The following CCDC91 variants were observed in gnomAD, a reference collection of about 807,000 sequenced individuals.
The protein encoded by CCDC91 is coiled-coil domain containing 91.
Under a neutral mutation model 63.2 loss-of-function variants are expected in CCDC91, and 48 were observed. The observed-to-expected ratio is 0.76, with a 90% CI of 0.60 to 0.97. CCDC91 has a LOEUF of 0.97. CCDC91 is among the 50% of genes least tolerant of loss of function. The pLI is 0.00. For synonymous variants in CCDC91, 167 were observed against 165.8 expected, an observed-to-expected ratio of 1.01 and a Z score of -0.06; for missense variants, 500 against 494.6, an observed-to-expected ratio of 1.01 and a Z score of -0.10.
intron 6 of CCDC91, among the ~76,000 whole-genome samples, chr12:28,325,053 T>C (rs1940858378): frequency 6.6e-6 from 1 of 152,004 alleles, no homozygotes; most frequent in Non-Finnish European, 1.5e-5. Flanking sequence ...AATGAATTTT[T>C]ATAGTATTCT....
chr12:28,221,276 A>G (rs1357946365), intron 1 of CCDC91, among the ~76,000 whole-genome samples: 4 of 152,038 alleles, frequency 2.6e-5, no homozygotes, highest in African/African-American at 9.7e-5. Context: ...TCTCATCATC[A>G]TGACCTTTTC....
intron 7 of CCDC91, among the ~76,000 whole-genome samples, chr12:28,363,939 T>G (rs1035569743): frequency 8.6e-5 from 12 of 140,174 alleles, no homozygotes; most frequent in African/African-American, 3.2e-4. Context: ...GGAAAAAAAG[T>G]AGATCCAGAA....
intron 6 of CCDC91, among the ~76,000 whole-genome samples, chr12:28,324,980 A>G (rs1940851222): frequency 6.6e-6 from 1 of 151,942 alleles, no homozygotes; most frequent in Non-Finnish European, 1.5e-5. Flanking sequence ...AAGCATAATA[A>G]TGAAGCATTC....
At chr12:28,295,886 A>T (rs1364215104) in intron 3 of CCDC91, among the ~76,000 whole-genome samples, 1 of 151,998 alleles carries the variant, frequency 6.6e-6, no homozygotes, top group East Asian at 1.9e-4. Flanking sequence ...AATTGCTTAG[A>T]ATTTTGTTCA....
At chr12:28,268,760 T>G (rs763779872) in intron 3 of CCDC91, 34 of 702,326 alleles carry the variant, frequency 4.8e-5, no homozygotes, top group Non-Finnish European at 5.9e-5. Context: ...AGATTTTACC[T>G]AAAATCTACT....
intron 7 of CCDC91, among the ~76,000 whole-genome samples, chr12:28,379,272 C>A: frequency 6.6e-6 from 1 of 151,836 alleles, no homozygotes; most frequent in Admixed American, 6.6e-5. Context: ...ACACCAAAAG[C>A]AATGGCAACA....
chr12:28,297,883 A>G (rs1463927506), intron 3 of CCDC91, among the ~76,000 whole-genome samples: 1 of 151,854 alleles, frequency 6.6e-6, no homozygotes, highest in Non-Finnish European at 1.5e-5. Flanking sequence ...TATTAAGCAC[A>G]CACATTTAAA....
chr12:28,240,345 C>G (rs1945251155), intron 1 of CCDC91, among the ~76,000 whole-genome samples: 2 of 152,100 alleles, frequency 1.3e-5, no homozygotes, highest in South Asian at 4.1e-4. Flanking sequence ...TTGATTACTT[C>G]TTGACTTTTT....
chr12:28,523,102 G>C (rs1940895108), intron 12 of CCDC91, among the ~76,000 whole-genome samples: 1 of 152,192 alleles, frequency 6.6e-6, no homozygotes, highest in African/African-American at 2.4e-5. Context: ...GCCTGGTGCA[G>C]AGCTGAATTC....
chr12:28,373,073 A>AT lies in CCDC91; in HGVS notation c.654+10564dup, dbSNP rs1592467924. Among the ~76,000 whole-genome samples, 4 of 151,928 alleles carry AT rather than the reference A, an allele frequency of 2.6e-5. No homozygotes were observed. The South Asian group carries it at 8.3e-4, about 32-fold the overall frequency. ...GTATCTCCTAACAATTAATTTGTGT[A>AT]TTTTTTCACTTGCATTCTTTAAAGT... On this transcript the variant is annotated intron_variant, in intron 7 of 12. Coordinates refer to ENST00000536442, the MANE Select transcript of CCDC91 (RefSeq NM_018318.5).
At chr12:28,299,091 G>A (rs1937756361) in intron 3 of CCDC91, among the ~76,000 whole-genome samples, 2 of 151,384 alleles carry the variant, frequency 1.3e-5, no homozygotes, top group African/African-American at 4.8e-5. Context: ...TTTTGCCTAG[G>A]GAAGGATTTT....
intron 12 of CCDC91, among the ~76,000 whole-genome samples, chr12:28,534,590 TC>T (rs1942003750): frequency 6.6e-6 from 1 of 152,210 alleles, no homozygotes; most frequent in Admixed American, 6.5e-5. Flanking sequence ...TAGAAACTCT[TC>T]CTGATACTCC....
At chr12:28,236,564 A>G (rs1278580111) in intron 1 of CCDC91, 3 of 152,062 alleles carry the variant, frequency 2.0e-5, no homozygotes, top group Non-Finnish European at 1.5e-5. Flanking sequence ...TTTATAAATT[A>G]TATTAAAATA....
chr12:28,223,093 A>G (rs965598882), intron 1 of CCDC91, among the ~76,000 whole-genome samples: 4 of 152,120 alleles, frequency 2.6e-5, no homozygotes, highest in Admixed American at 6.6e-5. Flanking sequence ...ACCAAAGTAG[A>G]GGGGGAAAAA....
chr12:28,535,738 T>C (rs953282347), intron 12 of CCDC91, among the ~76,000 whole-genome samples: 6 of 152,126 alleles, frequency 3.9e-5, no homozygotes, highest in Non-Finnish European at 8.8e-5. Context: ...ATAAAACATA[T>C]GTGGGAAACG....
chr12:28,354,794 T>C (rs964547801), intron 6 of CCDC91, among the ~76,000 whole-genome samples: 2 of 152,192 alleles, frequency 1.3e-5, no homozygotes, highest in African/African-American at 2.4e-5. Context: ...ACAAGAATTC[T>C]AGAGTGTTTT....
intron 8 of CCDC91, among the ~76,000 whole-genome samples, chr12:28,438,899 T>C (rs2140177451): frequency 6.6e-6 from 1 of 152,296 alleles, no homozygotes; most frequent in East Asian, 1.9e-4. Flanking sequence ...CAAAAGCTAT[T>C]TCACTTGAAA....
At chr12:28,512,102 G>A (rs565691424) in intron 12 of CCDC91, among the ~76,000 whole-genome samples, 54 of 151,596 alleles carry the variant, frequency 3.6e-4, no homozygotes, top group Middle Eastern at 6.8e-3. Context: ...TTGCCTACTC[G>A]GAACACTCAT....
At chr12:28,208,726 CTT>C (rs1341825599) in intron 1 of CCDC91, among the ~76,000 whole-genome samples, 1 of 152,156 alleles carries the variant, frequency 6.6e-6, no homozygotes, top group Non-Finnish European at 1.5e-5. Context: ...AGAGGGAAGA[CTT>C]AACTTTTGTC....
Sources: allele counts gnomAD v4.1 joint callset (sites outside exome capture counted in the v4.1 genomes callset), GRCh38; gene constraint gnomAD v4.1.1; transcripts MANE v1.5; gene names NCBI Gene and HGNC (gene_info 2026-07-23, HGNC 2026-07-21).